STAU2: variants seen among roughly 807,000 people sequenced by gnomAD.
STAU2 encodes the protein staufen double-stranded RNA binding protein 2, also known as double-stranded RNA-binding protein Staufen homolog 2.
A neutral mutation model predicts 65.9 loss-of-function variants in STAU2; 20 were observed. The ratio of observed to expected loss-of-function variants is 0.30; its 90% CI spans 0.21 to 0.44. The LOEUF is 0.44. Among genes scored for constraint, STAU2 ranks in the 20% least tolerant of loss-of-function variants. The pLI is 1.00. For missense variants in STAU2, 558 were observed against 683.9 expected, an observed-to-expected ratio of 0.82 and a Z score of 2.05; for synonymous variants, 232 against 233.9, an observed-to-expected ratio of 0.99 and a Z score of 0.07.
At chr8:73,721,245 G>C (rs1048081103) in intron 3 of STAU2, among the ~76,000 whole-genome samples, 2 of 125,410 alleles carry the variant, frequency 1.6e-5, no homozygotes, top group African/African-American at 6.2e-5. Flanking sequence ...AGCCATGGTG[G>C]TACCACTTCA....
At chr8:73,553,193 A>C (rs772364300) in intron 12 of STAU2, among the ~76,000 whole-genome samples, 4 of 152,186 alleles carry the variant, frequency 2.6e-5, no homozygotes, top group Non-Finnish European at 5.9e-5. Context: ...GCTTATTCTT[A>C]TCTTTTGATC....
intron 13 of STAU2, among the ~76,000 whole-genome samples, chr8:73,518,268 G>A (rs2128927210): frequency 6.6e-6 from 1 of 152,278 alleles, no homozygotes; most frequent in South Asian, 2.1e-4. Flanking sequence ...CCAGAAAACT[G>A]GCTTCTTTCC....
chr8:73,504,144 T>A (rs747981520), intron 13 of STAU2, among the ~76,000 whole-genome samples: 1 of 152,102 alleles, frequency 6.6e-6, no homozygotes, highest in Admixed American at 6.5e-5. Flanking sequence ...ATATAGTCAG[T>A]AGGACCTCCA....
chr8:73,645,803 G>T (rs1310627589), intron 6 of STAU2, among the ~76,000 whole-genome samples: 1 of 152,132 alleles, frequency 6.6e-6, no homozygotes, highest in Non-Finnish European at 1.5e-5. Flanking sequence ...GGCCAAAGCA[G>T]GAGGAAGAGA....
In STAU2 at chr8:73,603,851, A is replaced by T. The variant is rs1178476479; in HGVS notation, c.904T>A (p.Tyr302Asn). Residue 302 changes from tyrosine (Y) to asparagine (N), a missense_variant, in exon 10 of 15, where the codon TAT becomes AAT. By Grantham distance (143) the Tyr-to-Asn change is moderately radical. Transcript: ENST00000524300. The part of the protein sequence containing the change: ...PKTIVKAGPE[Y>N]GQGMNPISRL... ...CTAATAGGGTTCATCCCTTGGCCAT[A>T]TTCTGGTCCGGCCTAAAAATTAATT... The T allele has an allele frequency of 6.3e-7, 1 of 1,597,328 alleles. No homozygotes were observed. The highest frequency in any genetic ancestry group is 1.1e-5 in the South Asian group (1 of 87,056).
At chr8:73,517,650 T>C (rs12334851) in intron 13 of STAU2, among the ~76,000 whole-genome samples, 56,613 of 151,922 alleles carry the variant, frequency 0.37, 11,010 homozygotes, top group East Asian at 0.54. Flanking sequence ...TTTAGTCTTT[T>C]TTAGTGTGAA....
chr8:73,699,913 C>G (rs1819971688), intron 4 of STAU2, among the ~76,000 whole-genome samples: 1 of 141,202 alleles, frequency 7.1e-6, no homozygotes, highest in South Asian at 2.3e-4. Flanking sequence ...AATATTGATG[C>G]AAAAACCCTC....
At chr8:73,559,996 AG>A (rs1179019479) in intron 12 of STAU2, among the ~76,000 whole-genome samples, 4 of 152,088 alleles carry the variant, frequency 2.6e-5, no homozygotes, top group Middle Eastern at 3.2e-3. Context: ...AATTTGTTAG[AG>A]GTTTCTTCTT....
intron 13 of STAU2, among the ~76,000 whole-genome samples, chr8:73,535,588 A>T (rs1032284492): frequency 1.3e-5 from 2 of 152,220 alleles, no homozygotes; most frequent in Non-Finnish European, 2.9e-5. Flanking sequence ...ATTTCCATCG[A>T]AAGAAAACAC....
intron 13 of STAU2, among the ~76,000 whole-genome samples, chr8:73,487,178 T>C (rs1188623713): frequency 3.3e-5 from 5 of 152,106 alleles, no homozygotes; most frequent in Non-Finnish European, 7.4e-5. Flanking sequence ...TCTATCAGGC[T>C]GCCAGTGCTA....
chr8:73,688,203 T>C (rs1193675503), intron 5 of STAU2, among the ~76,000 whole-genome samples: 1 of 147,930 alleles, frequency 6.8e-6, no homozygotes, highest in Non-Finnish European at 1.5e-5. Context: ...TGAGATGGAG[T>C]TTCGCTCTTG....
intron 6 of STAU2, among the ~76,000 whole-genome samples, chr8:73,617,656 T>C (rs1812927000): frequency 1.3e-5 from 2 of 152,130 alleles, no homozygotes; most frequent in Non-Finnish European, 2.9e-5. Context: ...AAAACATATA[T>C]AGAATACAAC....
At chr8:73,633,582 G>A (rs1214304833) in intron 6 of STAU2, among the ~76,000 whole-genome samples, 1 of 152,258 alleles carries the variant, frequency 6.6e-6, no homozygotes, top group East Asian at 1.9e-4. Flanking sequence ...CTGACCTTGA[G>A]GCGGCTACAA....
chr8:73,475,936 T>C (rs563788907), intron 13 of STAU2, among the ~76,000 whole-genome samples: 27 of 152,314 alleles, frequency 1.8e-4, no homozygotes, highest in African/African-American at 5.5e-4. Flanking sequence ...AAATTGACAA[T>C]GTAATGACAC....
At chr8:73,664,666 G>A (rs1394307809) in intron 6 of STAU2, among the ~76,000 whole-genome samples, 4 of 151,702 alleles carry the variant, frequency 2.6e-5, no homozygotes, top group South Asian at 2.1e-4. Flanking sequence ...ATTTAAATTC[G>A]GCTGAATTTA....
chr8:73,672,901 G>GAAAAAAA, intron 6 of STAU2: 1 of 297,148 alleles, frequency 3.4e-6, no homozygotes. Flanking sequence ...TGGGGTAGGG[G>GAAAAAAA]AAAAAAAAAA....
chr8:73,689,639 A>G (rs952185455), intron 4 of STAU2, among the ~76,000 whole-genome samples: 5 of 152,132 alleles, frequency 3.3e-5, no homozygotes, highest in Non-Finnish European at 7.3e-5. Flanking sequence ...TCACCTTTAA[A>G]ATTCAGAATC....
chr8:73,677,749 T>C (rs373197017), intron 5 of STAU2, among the ~76,000 whole-genome samples: 6 of 152,194 alleles, frequency 3.9e-5, no homozygotes, highest in African/African-American at 1.2e-4. Context: ...TCAAGCTCTA[T>C]AACTGTAATG....
At chr8:73,724,697 T>G (rs1240897135) in intron 3 of STAU2, among the ~76,000 whole-genome samples, 1 of 149,154 alleles carries the variant, frequency 6.7e-6, no homozygotes, top group Non-Finnish European at 1.5e-5. Flanking sequence ...ATATATTTTT[T>G]TTTTTTTTCT....
Sources: gnomAD v4.1 joint callset for allele counts (sites outside exome capture counted in the v4.1 genomes callset) on GRCh38, gnomAD v4.1.1 for gene constraint, MANE v1.5 for transcripts, NCBI Gene and HGNC (gene_info 2026-07-23, HGNC 2026-07-21) for gene names.